The following TRAPPC9 variants were observed in gnomAD, a reference collection of about 807,000 sequenced individuals.
TRAPPC9 encodes the protein IKK2 binding protein.
A neutral mutation model predicts 124.0 loss-of-function variants in TRAPPC9; 83 were observed. The observed-to-expected ratio is 0.67, with a 90% CI of 0.56 to 0.80. The LOEUF is 0.80. Among genes scored for constraint, TRAPPC9 ranks in the 30% least tolerant of loss-of-function variants. The probability of loss-of-function intolerance (pLI) is 0.00; values close to 1 mark genes in which losing one functional copy is unlikely to be tolerated. For synonymous variants in TRAPPC9, 638 were observed against 617.5 expected, an observed-to-expected ratio of 1.03 and a Z score of -0.49; for missense variants, 1,302 against 1,508.3, an observed-to-expected ratio of 0.86 and a Z score of 2.27.
At chr8:140,291,502 C>T (rs891534766) in intron 11 of TRAPPC9, among the ~76,000 whole-genome samples, 1 of 152,206 alleles carries the variant, frequency 6.6e-6, no homozygotes, top group Non-Finnish European at 1.5e-5. Context: ...CTTCTCCTCC[C>T]CACCCACTCC....
At chr8:140,247,069 T>C (rs2064005981) in intron 16 of TRAPPC9, among the ~76,000 whole-genome samples, 1 of 152,234 alleles carries the variant, frequency 6.6e-6, no homozygotes, top group Non-Finnish European at 1.5e-5. Context: ...AAGAGCAGAT[T>C]ACCATGACAT....
At chr8:139,943,338 A>AT (rs1462327936) in intron 19 of TRAPPC9, among the ~76,000 whole-genome samples, 1 of 152,220 alleles carries the variant, frequency 6.6e-6, no homozygotes, top group African/African-American at 2.4e-5. Context: ...AAGTGCTGGG[A>AT]TTACAGGCAT....
At chr8:139,857,786 G>A (rs1471079155) in intron 21 of TRAPPC9, among the ~76,000 whole-genome samples, 1 of 152,254 alleles carries the variant, frequency 6.6e-6, no homozygotes, top group Non-Finnish European at 1.5e-5. Context: ...CCAGCAGCAG[G>A]TGGAGAGAGC....
At chr8:140,089,487 G>A (rs1361139236) in intron 17 of TRAPPC9, among the ~76,000 whole-genome samples, 2 of 152,142 alleles carry the variant, frequency 1.3e-5, no homozygotes, top group Non-Finnish European at 2.9e-5. Context: ...ACTTTAAATG[G>A]CCCCATACAA....
At chr8:139,738,208 G>A (rs892468133) in intron 21 of TRAPPC9, among the ~76,000 whole-genome samples, 1 of 152,196 alleles carries the variant, frequency 6.6e-6, no homozygotes, top group African/African-American at 2.4e-5. Context: ...TGTGCCCACG[G>A]CAGCCCGTGG....
chr8:139,839,815 CG>C (rs1189427791), intron 21 of TRAPPC9, among the ~76,000 whole-genome samples: 2 of 152,090 alleles, frequency 1.3e-5, no homozygotes, highest in Non-Finnish European at 2.9e-5. Flanking sequence ...TGGCCTATTC[CG>C]GAGACAGAAA....
intron 21 of TRAPPC9, among the ~76,000 whole-genome samples, chr8:139,756,827 G>T (rs1310352724): frequency 7.7e-6 from 1 of 129,086 alleles, no homozygotes; most frequent in East Asian, 2.5e-4. Context: ...AGGGATTGGG[G>T]ATGAGGACAG....
chr8:139,945,900 T>C (rs1400387289), intron 19 of TRAPPC9, among the ~76,000 whole-genome samples: 1 of 152,242 alleles, frequency 6.6e-6, no homozygotes, highest in Non-Finnish European at 1.5e-5. Context: ...AAGGTGGATA[T>C]AGTAATAGAC....
chr8:139,947,924 C>CAAGAGAGAGA (rs1269733140), intron 19 of TRAPPC9, among the ~76,000 whole-genome samples: 1 of 83,488 alleles, frequency 1.2e-5, no homozygotes, highest in South Asian at 4.2e-4. Flanking sequence ...AGAGAGAGAG[C>CAAGAGAGAGA]GAGAGAGAGA....
At chr8:140,447,809 G>T (rs1449758308) in intron 2 of TRAPPC9, among the ~76,000 whole-genome samples, 1 of 152,114 alleles carries the variant, frequency 6.6e-6, no homozygotes, top group Non-Finnish European at 1.5e-5. Context: ...AGAGCTGCAG[G>T]GGAGACAAGG....
chr8:139,909,033 G>C (rs1296667117), intron 20 of TRAPPC9, among the ~76,000 whole-genome samples: 5 of 152,188 alleles, frequency 3.3e-5, no homozygotes, highest in Non-Finnish European at 7.4e-5. Flanking sequence ...GAGTCTGCCA[G>C]GCTCAAAGTC....
intron 17 of TRAPPC9, among the ~76,000 whole-genome samples, chr8:140,113,775 C>T (rs1028850760): frequency 7.2e-5 from 11 of 152,276 alleles, no homozygotes; most frequent in Admixed American, 3.9e-4. Flanking sequence ...ACTGATCCAC[C>T]GAATTCTTCA....
At chr8:139,735,561 G>C (rs531981566) in intron 21 of TRAPPC9, among the ~76,000 whole-genome samples, 6 of 152,344 alleles carry the variant, frequency 3.9e-5, no homozygotes, top group Non-Finnish European at 8.8e-5. Flanking sequence ...GAGATGGAGA[G>C]AGCAGATGGG....
At chr8:140,327,900 T>C (rs1161308236) in intron 9 of TRAPPC9, among the ~76,000 whole-genome samples, 1 of 152,196 alleles carries the variant, frequency 6.6e-6, no homozygotes, top group East Asian at 1.9e-4. Context: ...CTTAAAACAG[T>C]TAAAAGGGTA....
chr8:140,034,650 G>C (rs1003872987), intron 17 of TRAPPC9, among the ~76,000 whole-genome samples: 2 of 152,236 alleles, frequency 1.3e-5, no homozygotes, highest in Non-Finnish European at 2.9e-5. Flanking sequence ...AAATCTCAGA[G>C]AAAGGAGAAA....
chr8:140,200,668 G>A (rs557984958), intron 17 of TRAPPC9, among the ~76,000 whole-genome samples: 39 of 152,156 alleles, frequency 2.6e-4, no homozygotes, highest in African/African-American at 8.4e-4. Flanking sequence ...TCAACGTCAC[G>A]AAAAACAAGG....
chr8:140,313,786 T>G (rs1361197262), intron 9 of TRAPPC9, among the ~76,000 whole-genome samples: 1 of 152,098 alleles, frequency 6.6e-6, no homozygotes, highest in East Asian at 1.9e-4. Flanking sequence ...TGTAATCAAT[T>G]GTAAATGATT....
At chr8:139,906,349 C>T (rs967493802) in intron 20 of TRAPPC9, among the ~76,000 whole-genome samples, 10 of 152,100 alleles carry the variant, frequency 6.6e-5, no homozygotes, top group Admixed American at 4.6e-4. Flanking sequence ...TTGTGATAAA[C>T]GTGCCCCATC....
intron 9 of TRAPPC9, among the ~76,000 whole-genome samples, chr8:140,329,713 T>C (rs562309328): frequency 1.4e-3 from 213 of 152,288 alleles, no homozygotes; most frequent in African/African-American, 4.8e-3. Context: ...TGTGCTCATT[T>C]CGGAATCTAA....
Sources: allele counts gnomAD v4.1 joint callset (sites outside exome capture counted in the v4.1 genomes callset), GRCh38; gene constraint gnomAD v4.1.1; transcripts MANE v1.5; gene names NCBI Gene and HGNC (gene_info 2026-07-23, HGNC 2026-07-21).